MTMR12: variants seen among roughly 807,000 people sequenced by gnomAD.
MTMR12 encodes myotubularin-related protein 12.
In MTMR12, 33 loss-of-function variants were observed where a neutral mutation model predicts 96.7. That is an observed-to-expected ratio of 0.34 (90% CI 0.26 to 0.46). The LOEUF is 0.46. Among genes scored for constraint, MTMR12 ranks in the 20% least tolerant of loss-of-function variants. The pLI is 1.00. For synonymous variants in MTMR12, 298 were observed against 327.2 expected, an observed-to-expected ratio of 0.91 and a Z score of 0.96; for missense variants, 721 against 896.1, an observed-to-expected ratio of 0.80 and a Z score of 2.49.
intron 1 of MTMR12, among the ~76,000 whole-genome samples, chr5:32,284,709 C>A (rs1451257311): frequency 1.3e-5 from 2 of 152,064 alleles, no homozygotes; most frequent in Non-Finnish European, 2.9e-5. Context: ...CTTACTTCTG[C>A]AGCTGTGAAA....
chr5:32,284,887 A>C (rs1750466538), intron 1 of MTMR12, among the ~76,000 whole-genome samples: 1 of 152,202 alleles, frequency 6.6e-6, no homozygotes, highest in Admixed American at 6.5e-5. Flanking sequence ...TTTTCAACAA[A>C]TGCATCAGTT....
chr5:32,270,831 C>T lies in MTMR12; in HGVS notation c.475G>A (p.Glu159Lys), dbSNP rs1749801871. 1 of 1,610,510 alleles carries T rather than the reference C, an allele frequency of 6.2e-7. No individual in the cohort carries two copies. Among genetic ancestry groups the T allele is most frequent in the Non-Finnish European group, 8.5e-7 (1 of 1,178,906 alleles). ...CAACTAGTTACCCTTTTGACTTCCTCTTCCTTTGTGTACCTCAGACAAAAC... is the reference window on the plus strand; with the variant it reads ...CAACTAGTTACCCTTTTGACTTCCTTTTCCTTTGTGTACCTCAGACAAAAC... ...FQFCLRYTKE[E>K]EVKRIVSGII... The change falls in exon 5 of 16, where the codon GAG becomes AAG. Residue 159 changes from glutamate to lysine, a missense_variant. By Grantham distance (56) the Glu-to-Lys change is moderately conservative. Transcript: ENST00000382142.
chr5:32,270,692 A>T, intron 5 of MTMR12, 125 bp downstream of exon 5: 1 of 1,083,350 alleles, frequency 9.2e-7, no homozygotes, highest in Non-Finnish European at 1.3e-6. Flanking sequence ...ATATGGGATT[A>T]CAACCAATTT....
intron 7 of MTMR12, among the ~76,000 whole-genome samples, chr5:32,258,081 C>T (rs1374714522): frequency 4.0e-5 from 6 of 151,346 alleles, no homozygotes; most frequent in East Asian, 3.9e-4. Flanking sequence ...GAGCAGAGAT[C>T]GTGCCACTGC....
intron 2 of MTMR12, among the ~76,000 whole-genome samples, chr5:32,276,265 G>A (rs377065144): frequency 9.2e-5 from 14 of 152,252 alleles, no homozygotes; most frequent in African/African-American, 2.9e-4. Flanking sequence ...GTGCTCACAT[G>A]CACAAGTGGG....
rs1183137283 is a variant in MTMR12 at position 32,227,209 on chromosome 5, C to G, written c.*2569G>C. On this transcript the variant is annotated 3_prime_UTR_variant, in exon 16 of 16. Coordinates refer to ENST00000382142, the MANE Select transcript of MTMR12 (RefSeq NM_001040446.3). ...AAAAACTTGGAGGTATAAACAAACTCAAGATATTATATACAGTAAATTAAT... is the reference window on the plus strand; with the variant it reads ...AAAAACTTGGAGGTATAAACAAACTGAAGATATTATATACAGTAAATTAAT... 6.6e-6 allele frequency: 1 copy of G among 152,580 alleles called. No individual in the cohort carries two copies. The highest frequency in any genetic ancestry group is 2.4e-5 in the African/African-American group (1 of 41,428). The allele number at this position is 152,580 out of a possible 1,614,324, so 9.5% of individuals were successfully genotyped here.
chr5:32,294,746 TTG>T (rs1750862824), intron 1 of MTMR12, among the ~76,000 whole-genome samples: 1 of 152,186 alleles, frequency 6.6e-6, no homozygotes, highest in South Asian at 2.1e-4. Flanking sequence ...AGACAGTAAA[TTG>T]TCAGTAAGTC....
chr5:32,247,355 A>C (rs527788476), intron 10 of MTMR12, among the ~76,000 whole-genome samples: 20 of 152,156 alleles, frequency 1.3e-4, no homozygotes, highest in Non-Finnish European at 2.6e-4. Flanking sequence ...CTGTCTCAAA[A>C]AACAATGTCC....
intron 1 of MTMR12, among the ~76,000 whole-genome samples, chr5:32,291,895 G>A (rs1293145213): frequency 1.3e-5 from 2 of 152,148 alleles, no homozygotes; most frequent in Non-Finnish European, 2.9e-5. Flanking sequence ...GCAGAGGTTT[G>A]TCTTCACTGC....
chr5:32,307,159 C>T (rs921591304), intron 1 of MTMR12, among the ~76,000 whole-genome samples: 1 of 152,094 alleles, frequency 6.6e-6, no homozygotes, highest in Non-Finnish European at 1.5e-5. Flanking sequence ...AGAATACACT[C>T]CGAGTTGTTT....
intron 7 of MTMR12, among the ~76,000 whole-genome samples, chr5:32,260,959 G>A (rs931649933): frequency 5.9e-5 from 9 of 151,680 alleles, no homozygotes; most frequent in East Asian, 5.9e-4. Flanking sequence ...TCAGCCAGGC[G>A]CAGTGGCTCA....
Position 32,274,113 on chromosome 5 carries a change from A to C in MTMR12, c.152T>G (p.Leu51Arg), listed in dbSNP as rs1317163018. ...VTLHLLPGEQ[L>R]LCEASTVLKY... ...CAGTACTGTGCTGGCTTCACAAAGC[A>C]GCTGTTCACCTGGTAGAAACCAAAA... The change falls in exon 3 of 16, where the codon CTG becomes CGG. Residue 51 changes from leucine (L) to arginine (R), a missense_variant. Physicochemically the swap from Leu to Arg is moderately radical, Grantham distance 102 (BLOSUM62 -2). Transcript: ENST00000382142. The C allele has an allele frequency of 1.2e-6, 2 of 1,614,158 alleles. No individual in the cohort carries two copies. The highest frequency in any genetic ancestry group is 8.5e-7 in the Non-Finnish European group (1 of 1,179,996).
At position 32,279,076 on chromosome 5, in the gene MTMR12, C is replaced by CAAA. The variant is rs35999870; in HGVS notation, c.82-2337_82-2335dup. ...GGGCAACAAGAGCGAAACTCTGTCT[C>CAAA]AAAAAAAAAAAAAAAAAAAAAAAAA... On this transcript the variant is annotated intron_variant, in intron 1 of 15. Coordinates refer to ENST00000382142, the MANE Select transcript of MTMR12 (RefSeq NM_001040446.3). Among the ~76,000 whole-genome samples the CAAA allele has an allele frequency of 1.2e-4, 6 of 50,530 alleles. 1 individual carries two copies. The highest frequency in any genetic ancestry group is 1.5e-4 in the African/African-American group (2 of 12,976). 33.1% of individuals were successfully genotyped at this position (50,530 alleles called of 152,430 possible).
intron 7 of MTMR12, 53 bp downstream of exon 7, chr5:32,263,058 CTG>C: frequency 1.3e-6 from 2 of 1,598,768 alleles, no homozygotes; most frequent in South Asian, 2.2e-5. Context: ...CTAAAAAACA[CTG>C]TACACTTTTA....
At chr5:32,300,542 C>A (rs1751098953) in intron 1 of MTMR12, among the ~76,000 whole-genome samples, 1 of 152,136 alleles carries the variant, frequency 6.6e-6, no homozygotes, top group African/African-American at 2.4e-5. Context: ...CACACCCTCA[C>A]CACACTGAGG....
intron 13 of MTMR12, among the ~76,000 whole-genome samples, chr5:32,237,654 G>A (rs1748291394): frequency 1.3e-5 from 2 of 152,096 alleles, no homozygotes; most frequent in South Asian, 4.2e-4. Flanking sequence ...GGGACTACAG[G>A]CATGTGCCAC....
chr5:32,286,531 A>AT (rs1750546117), intron 1 of MTMR12, among the ~76,000 whole-genome samples: 1 of 152,022 alleles, frequency 6.6e-6, no homozygotes, highest in African/African-American at 2.4e-5. Flanking sequence ...AAAAAAAAAA[A>AT]GGATTGACTT....
chr5:32,307,002 A>T (rs1360429570), intron 1 of MTMR12, among the ~76,000 whole-genome samples: 6 of 152,168 alleles, frequency 3.9e-5, no homozygotes, highest in Non-Finnish European at 5.9e-5. Context: ...AATTTTAATG[A>T]CATTGTGGGA....
intron 3 of MTMR12, among the ~76,000 whole-genome samples, chr5:32,273,548 T>C (rs1167266968): frequency 1.3e-5 from 2 of 152,138 alleles, no homozygotes; most frequent in South Asian, 2.1e-4. Flanking sequence ...GTGAGTGATA[T>C]ATATTGCACT....
Sources: gnomAD v4.1 joint callset for allele counts (sites outside exome capture counted in the v4.1 genomes callset) on GRCh38, gnomAD v4.1.1 for gene constraint, MANE v1.5 for transcripts, NCBI Gene and HGNC (gene_info 2026-07-23, HGNC 2026-07-21) for gene names.